Variants in JAK1 observed in about 807,000 individuals in gnomAD.
JAK1 encodes Janus kinase 1.
In JAK1, 16 loss-of-function variants were observed where a neutral mutation model predicts 136.6. The ratio of observed to expected loss-of-function variants is 0.12; its 90% confidence interval spans 0.08 to 0.18. The LOEUF (loss-of-function observed/expected upper bound fraction) is 0.18, where lower values mean the gene tolerates loss of function less well. JAK1 is among the 10% of genes least tolerant of loss of function. The pLI, the probability that JAK1 is intolerant of heterozygous loss-of-function variation, is 1.00. For missense variants in JAK1, 859 were observed against 1,450.1 expected, an observed-to-expected ratio of 0.59 and a Z score of 6.62; for synonymous variants, 492 against 519.5, an observed-to-expected ratio of 0.95 and a Z score of 0.72.
intron 2 of JAK1, among the ~76,000 whole-genome samples, chr1:64,884,985 A>G (rs1280908300): frequency 1.3e-5 from 2 of 152,336 alleles, no homozygotes; most frequent in East Asian, 3.9e-4. Context: ...AAAGTCATAC[A>G]GGGCAGACAG....
intron 11 of JAK1, 105 bp from the exon 12 acceptor site, chr1:64,851,015 G>A (rs1200943318): frequency 4.1e-6 from 3 of 737,822 alleles, no homozygotes; most frequent in East Asian, 2.7e-5. Context: ...GCGGGCGCTT[G>A]CTGCTTCAGT....
intron 2 of JAK1, among the ~76,000 whole-genome samples, chr1:65,011,296 T>A (rs1646846749): frequency 6.6e-6 from 1 of 151,954 alleles, no homozygotes; most frequent in Non-Finnish European, 1.5e-5. Context: ...AGCAACATCA[T>A]GAGACTTCAT....
chr1:64,870,147 C>T (rs931914469), intron 5 of JAK1, among the ~76,000 whole-genome samples: 5 of 152,142 alleles, frequency 3.3e-5, no homozygotes, highest in Admixed American at 1.3e-4. Flanking sequence ...ATTCCAGTGC[C>T]GGCTCCCACT....
At chr1:64,963,251 T>C (rs376521167) in intron 1 of JAK1, among the ~76,000 whole-genome samples, 1 of 152,182 alleles carries the variant, frequency 6.6e-6, no homozygotes, top group African/African-American at 2.4e-5. Context: ...ACTGCTCTTA[T>C]AGAAAAGAAA....
chr1:64,886,740 C>A (rs1644858168), intron 1 of JAK1, among the ~76,000 whole-genome samples: 1 of 143,468 alleles, frequency 7.0e-6, no homozygotes, highest in Non-Finnish European at 1.5e-5. Flanking sequence ...TTACCCCGCC[C>A]CAACCTTGTC....
intron 17 of JAK1, among the ~76,000 whole-genome samples, chr1:64,843,126 C>T (rs1200059747): frequency 6.6e-6 from 1 of 152,172 alleles, no homozygotes; most frequent in Non-Finnish European, 1.5e-5. Context: ...GTTCTGCAGC[C>T]TGGAATCAGG....
chr1:65,052,018 C>T (rs1376778542), intron 1 of JAK1, among the ~76,000 whole-genome samples: 3 of 152,042 alleles, frequency 2.0e-5, no homozygotes, highest in African/African-American at 7.2e-5. Flanking sequence ...TGCAGTGGCA[C>T]CATCCTAGCT....
At chr1:64,989,020 A>G (rs1218352631) in intron 2 of JAK1, among the ~76,000 whole-genome samples, 1 of 146,114 alleles carries the variant, frequency 6.8e-6, no homozygotes, top group African/African-American at 2.5e-5. Flanking sequence ...ATATATATAT[A>G]TATATATATA....
intron 1 of JAK1, among the ~76,000 whole-genome samples, chr1:64,936,191 T>C (rs537465218): frequency 6.6e-6 from 1 of 152,282 alleles, no homozygotes; most frequent in African/African-American, 2.4e-5. Flanking sequence ...TGGAAGTTTA[T>C]CAGAGAATCA....
At chr1:64,909,208 C>T (rs1468625508) in intron 1 of JAK1, among the ~76,000 whole-genome samples, 1 of 152,110 alleles carries the variant, frequency 6.6e-6, no homozygotes, top group African/African-American at 2.4e-5. Context: ...ATCTCTTTTC[C>T]TAGTTTTCGG....
At position 64,883,356 on chromosome 1, in the gene JAK1, C is replaced by T. The variant is rs777975331; in HGVS notation, c.126G>A (p.Leu42=). The T allele has an allele frequency of 3.7e-6, 6 of 1,614,086 alleles. No homozygotes were observed. Among genetic ancestry groups the T allele is most frequent in the Middle Eastern group, 1.6e-4 (1 of 6,084 alleles). Residue 42 remains leucine (L), a synonymous_variant, in exon 3 of 25, where the codon CTG becomes CTA. Transcript: ENST00000342505. ...CCAGCCGGAGGGGCTCCCTGTCCGA[C>T]AGATAGAAGATCACTTCCACCCCTG... ...PEPGVEVIFY[L]SDREPLRLGS... is the part of the protein sequence containing the mutation.
intron 2 of JAK1, chr1:64,990,697 G>A (rs962498553): frequency 3.3e-5 from 5 of 151,834 alleles, no homozygotes; most frequent in African/African-American, 1.2e-4. Context: ...AGAGGCAGGC[G>A]GATTGCCTGA....
chr1:65,000,850 G>A (rs1391799284), intron 2 of JAK1, among the ~76,000 whole-genome samples: 1 of 144,700 alleles, frequency 6.9e-6, no homozygotes, highest in African/African-American at 2.5e-5. Context: ...AAAAAGGAGG[G>A]TTTTTTTTTT....
At chr1:64,850,989 G>A (rs2101030660) in intron 11 of JAK1, 79 bp from the exon 12 acceptor site, 2 of 969,554 alleles carry the variant, frequency 2.1e-6, no homozygotes, top group Non-Finnish European at 3.3e-6. Context: ...CTGAGCCGGG[G>A]CCGTGGGACC....
intron 1 of JAK1, among the ~76,000 whole-genome samples, chr1:65,056,307 A>T (rs1647534195): frequency 6.6e-6 from 1 of 152,252 alleles, no homozygotes; most frequent in Non-Finnish European, 1.5e-5. Flanking sequence ...AATGTGGTCA[A>T]TGTGTCTGAA....
chr1:65,030,944 A>G (rs112625995), intron 2 of JAK1, among the ~76,000 whole-genome samples: 9,845 of 152,084 alleles, frequency 0.065, 397 homozygotes, highest in South Asian at 0.1. Context: ...GCTTAAGCCT[A>G]GGAGTTTAAG....
intron 1 of JAK1, among the ~76,000 whole-genome samples, chr1:64,916,627 C>G (rs1421257666): frequency 6.6e-6 from 1 of 152,072 alleles, no homozygotes; most frequent in East Asian, 1.9e-4. Flanking sequence ...CTCTTGAGGT[C>G]TGGAGTTCAA....
chr1:64,971,843 G>A (rs755622339), intron 2 of JAK1, among the ~76,000 whole-genome samples: 2 of 152,180 alleles, frequency 1.3e-5, no homozygotes, highest in Non-Finnish European at 2.9e-5. Context: ...ACAGGCGTAA[G>A]CCACCGTGCT....
intron 11 of JAK1, among the ~76,000 whole-genome samples, chr1:64,854,522 C>T (rs971886445): frequency 4.6e-5 from 7 of 152,198 alleles, no homozygotes; most frequent in African/African-American, 9.7e-5. Context: ...AGACCCACTT[C>T]GCTCTTCTGG....
Sources: gnomAD v4.1 joint callset for allele counts (sites outside exome capture counted in the v4.1 genomes callset) on GRCh38, gnomAD v4.1.1 for gene constraint, MANE v1.5 for transcripts, NCBI Gene and HGNC (gene_info 2026-07-23, HGNC 2026-07-21) for gene names.